Variants in CDK14 observed in about 807,000 individuals in gnomAD.
CDK14 encodes the protein cyclin dependent kinase 14.
In CDK14, 34 loss-of-function variants were observed where a neutral mutation model predicts 60.7. That is an observed-to-expected ratio of 0.56 (90% confidence interval 0.43 to 0.75). The LOEUF (loss-of-function observed/expected upper bound fraction) is 0.75, where lower values mean the gene tolerates loss of function less well. CDK14 is among the 30% of genes least tolerant of loss of function. The pLI is 0.00. For synonymous variants in CDK14, 197 were observed against 203.7 expected (o/e 0.97, Z 0.28); for missense variants, 482 against 564.1 (o/e 0.85, Z 1.47).
At chr7:91,174,109 T>C (rs1468388405) in intron 14 of CDK14, among the ~76,000 whole-genome samples, 3 of 152,092 alleles carry the variant, frequency 2.0e-5, no homozygotes, top group Non-Finnish European at 2.9e-5. Flanking sequence ...GCTGGAGATC[T>C]GAGAACGGGC....
At chr7:90,633,962 T>C (rs1324174823) in intron 2 of CDK14, among the ~76,000 whole-genome samples, 2 of 152,154 alleles carry the variant, frequency 1.3e-5, no homozygotes, top group Non-Finnish European at 2.9e-5. Context: ...TTAAAAGATG[T>C]TTAATTGAAT....
intron 5 of CDK14, among the ~76,000 whole-genome samples, chr7:90,832,895 C>T (rs1473181283): frequency 6.6e-6 from 1 of 152,194 alleles, no homozygotes; most frequent in African/African-American, 2.4e-5. Flanking sequence ...ATGAGAAAGT[C>T]ACATGGCTAG....
At chr7:91,176,270 A>G (rs1238774462) in intron 14 of CDK14, among the ~76,000 whole-genome samples, 2 of 152,232 alleles carry the variant, frequency 1.3e-5, no homozygotes, top group African/African-American at 4.8e-5. Flanking sequence ...ACGAGAGCAA[A>G]GACACAACAT....
At chr7:91,082,598 A>G (rs1798513736) in intron 12 of CDK14, among the ~76,000 whole-genome samples, 1 of 152,184 alleles carries the variant, frequency 6.6e-6, no homozygotes, top group Non-Finnish European at 1.5e-5. Context: ...ACCTGCTACA[A>G]TTGAATGTAC....
At chr7:91,060,785 G>A (rs971718762) in intron 11 of CDK14, among the ~76,000 whole-genome samples, 2 of 152,264 alleles carry the variant, frequency 1.3e-5, no homozygotes, top group Admixed American at 1.3e-4. Context: ...AGTATGATGG[G>A]CTTCCCTTTG....
chr7:90,861,696 A>G (rs1328305719), intron 5 of CDK14, among the ~76,000 whole-genome samples: 1 of 152,188 alleles, frequency 6.6e-6, no homozygotes, highest in Non-Finnish European at 1.5e-5. Flanking sequence ...TGAAAAAGAA[A>G]CAAGACAACC....
At chr7:90,937,533 C>CT (rs1425851749) in intron 8 of CDK14, among the ~76,000 whole-genome samples, 1 of 152,018 alleles carries the variant, frequency 6.6e-6, no homozygotes, top group African/African-American at 2.4e-5. Flanking sequence ...TTTTTCACAC[C>CT]TTAGTCAATC....
At chr7:90,880,271 T>C (rs1276255826) in intron 6 of CDK14, among the ~76,000 whole-genome samples, 3 of 152,188 alleles carry the variant, frequency 2.0e-5, no homozygotes, top group Non-Finnish European at 4.4e-5. Context: ...CTGAACAGCT[T>C]GTTCCCAAGA....
chr7:90,605,014 A>G (rs1178029765), intron 2 of CDK14, among the ~76,000 whole-genome samples: 1 of 152,214 alleles, frequency 6.6e-6, no homozygotes, highest in Admixed American at 6.5e-5. Context: ...ATATAGGAAC[A>G]TGGGTGTTAT....
intron 5 of CDK14, among the ~76,000 whole-genome samples, chr7:90,795,364 T>C (rs1584900081): frequency 6.6e-6 from 1 of 152,132 alleles, no homozygotes; most frequent in Non-Finnish European, 1.5e-5. Context: ...CTCTTCAGTG[T>C]GTTCCGGTAT....
chr7:91,137,348 C>T (rs1190169016), intron 14 of CDK14, among the ~76,000 whole-genome samples: 2 of 151,974 alleles, frequency 1.3e-5, no homozygotes, highest in Non-Finnish European at 2.9e-5. Context: ...AAGGTCAGGC[C>T]GCTGGGGGCC....
chr7:90,980,834 G>T (rs1584194481), intron 9 of CDK14, among the ~76,000 whole-genome samples: 1 of 152,130 alleles, frequency 6.6e-6, no homozygotes, highest in Non-Finnish European at 1.5e-5. Context: ...GAATAGAATT[G>T]CAGCATAGAA....
intron 2 of CDK14, among the ~76,000 whole-genome samples, chr7:90,624,942 C>T (rs1253324955): frequency 7.2e-5 from 11 of 152,204 alleles, no homozygotes; most frequent in Non-Finnish European, 1.5e-5. Flanking sequence ...GATGCCTCAG[C>T]TTCCTCATCT....
intron 5 of CDK14, among the ~76,000 whole-genome samples, chr7:90,814,957 T>A (rs1470192740): frequency 1.3e-5 from 2 of 152,240 alleles, no homozygotes; most frequent in South Asian, 2.1e-4. Context: ...GCTTTGAGCA[T>A]CCTTCAAGGT....
Position 90,709,185 on chromosome 7 carries a change from G to A in CDK14, c.124-17382G>A, listed in dbSNP as rs1801971789. 5 of 236,266 alleles carry A rather than the reference G, an allele frequency of 2.1e-5. No homozygotes were observed. In the Admixed American group the frequency reaches 2.8e-4, roughly 13 times the overall value. 14.6% of individuals were successfully genotyped at this position (236,266 alleles called of 1,614,324 possible). On this transcript the variant is annotated intron_variant, in intron 2 of 14. Transcript: ENST00000380050. The stretch of plus-strand genomic sequence containing the variant: ...TTTTTTTTTTAACCACATATTTGGT[G>A]CGTGGTTATTTTAGACTTCTCATCA...
At chr7:90,792,661 C>T (rs1469129838) in intron 5 of CDK14, among the ~76,000 whole-genome samples, 1 of 152,134 alleles carries the variant, frequency 6.6e-6, no homozygotes, top group African/African-American at 2.4e-5. Context: ...CACTGCCACC[C>T]CTAGTCCAGG....
intron 6 of CDK14, among the ~76,000 whole-genome samples, chr7:90,878,984 C>T (rs1791654657): frequency 6.6e-6 from 1 of 152,052 alleles, no homozygotes; most frequent in Non-Finnish European, 1.5e-5. Flanking sequence ...ATTGCTATTC[C>T]CAAATATTTG....
chr7:90,919,328 T>C (rs1438771069), intron 8 of CDK14, among the ~76,000 whole-genome samples: 1 of 152,172 alleles, frequency 6.6e-6, no homozygotes, highest in Non-Finnish European at 1.5e-5. Flanking sequence ...TAGGATTGTA[T>C]GTTTGTGCTT....
At position 90,726,762 on chromosome 7, in the gene CDK14, T is replaced by A. The variant is rs775734926; in HGVS notation, c.319T>A (p.Ser107Thr). 1.2e-6 allele frequency: 2 copies of A among 1,613,712 alleles called. No homozygotes were observed. Among genetic ancestry groups the A allele is most frequent in the South Asian group, 2.2e-5 (2 of 91,084 alleles). Residue 107 changes from serine (S) to threonine (T), a missense_variant, in exon 3 of 15, where the codon TCC (serine) becomes ACC (threonine). Physicochemically the swap from Ser to Thr is moderately conservative, Grantham distance 58. Coordinates refer to ENST00000380050, the MANE Select transcript of CDK14 (RefSeq NM_001287135.2). ...NNACINFKTSSTGKESPKVRR... is the reference protein window; with the variant it reads ...NNACINFKTSTTGKESPKVRR... ...TGCTTGCATTAACTTTAAGACCTCC[T>A]CCACTGGCAAAGAGTCACCTAAAGT...
Sources: allele counts gnomAD v4.1 joint callset (sites outside exome capture counted in the v4.1 genomes callset), GRCh38; gene constraint gnomAD v4.1.1; transcripts MANE v1.5; gene names NCBI Gene and HGNC (gene_info 2026-07-23, HGNC 2026-07-21).